The following DDX25 variants were observed in gnomAD, a reference collection of about 807,000 sequenced individuals.
DDX25 encodes DEAD-box helicase 25, also known as ATP-dependent RNA helicase DDX25.
DDX25 carries 70 observed loss-of-function variants against 64.6 expected under a neutral mutation model. The observed-to-expected ratio is 1.08, with a 90% CI of 0.89 to 1.32. The LOEUF (loss-of-function observed/expected upper bound fraction) is 1.32, where lower values mean the gene tolerates loss of function less well. DDX25 is among the 40% of genes most tolerant of loss of function. The probability of loss-of-function intolerance (pLI) is 0.00; values close to 1 mark genes in which losing one functional copy is unlikely to be tolerated. For synonymous variants in DDX25, 211 were observed against 213.3 expected (o/e 0.99, Z 0.09); for missense variants, 587 against 604.4 (o/e 0.97, Z 0.30).
At chr11:125,911,562 AT>A in intron 8 of DDX25, 74 bp downstream of exon 8, 1 of 1,416,308 alleles carries the variant, frequency 7.1e-7, no homozygotes, top group Non-Finnish European at 9.6e-7. Context: ...ACTCCTCCAC[AT>A]TATCTTTATT....
At chr11:125,922,635 C>T (rs1945129303) in intron 11 of DDX25, 185 bp from the exon 12 acceptor site, 1 of 510,752 alleles carries the variant, frequency 2.0e-6, no homozygotes, top group Non-Finnish European at 3.5e-6. Context: ...ACATACATTC[C>T]ATGGTCTGGT....
Position 125,926,459 on chromosome 11 carries a change from C to T in DDX25, c.*3578C>T, listed in dbSNP as rs1306113788. The T allele has an allele frequency of 6.6e-6, 1 of 152,092 alleles. No homozygotes were observed. Among genetic ancestry groups the T allele is most frequent in the African/African-American group, 2.4e-5 (1 of 41,400 alleles). The allele number at this position is 152,092 out of a possible 1,614,324, so 9.4% of individuals were successfully genotyped here. ...CTACAGGGAATACGAACTTTTTGCC[C>T]TAGAAAGCATCCAAGAGGCACTCAA... is the stretch of plus-strand genomic sequence containing the variant. On this transcript the variant is annotated 3_prime_UTR_variant, in exon 12 of 12. Transcript: ENST00000263576.
rs1254986750 is a variant in DDX25 at position 125,925,453 on chromosome 11, A to C, written c.*2572A>C. ...CAACAATCCAAAGGCTGTTTTTTGCAGGGTGCAGCTCCTGTCAGAGCTGTA... is the reference window on the plus strand; with the variant it reads ...CAACAATCCAAAGGCTGTTTTTTGCCGGGTGCAGCTCCTGTCAGAGCTGTA... On this transcript the variant is annotated 3_prime_UTR_variant, in exon 12 of 12. Coordinates refer to ENST00000263576, the MANE Select transcript of DDX25 (RefSeq NM_013264.5). 2.2e-6 allele frequency: 1 copy of C among 456,214 alleles called. No homozygotes were observed. The highest frequency in any genetic ancestry group is 4.4e-6 in the Non-Finnish European group (1 of 226,942). 28.3% of individuals were successfully genotyped at this position (456,214 alleles called of 1,614,324 possible). A position where few individuals can be genotyped will look rare whatever the true frequency, so the allele number is the denominator to read the frequency against.
rs1292304855 is a variant in DDX25 at position 125,922,814 on chromosome 11, T to G, written c.1391-6T>G. On this transcript the variant is annotated splice_region_variant and splice_polypyrimidine_tract_variant and intron_variant, in intron 11 of 11. Coordinates refer to ENST00000263576, the MANE Select transcript of DDX25 (RefSeq NM_013264.5). ...AGACTAGTTCTGTTCTCTTTTGTTC[T>G]TTTAGACAGCAGTATTAAGCAACTC... is the stretch of plus-strand genomic sequence containing the variant. The G allele has an allele frequency of 1.2e-6, 2 of 1,605,632 alleles. No individual in the cohort carries two copies. Among genetic ancestry groups the G allele is most frequent in the East Asian group, 4.5e-5 (2 of 44,806 alleles).
chr11:125,920,885 C>T, intron 10 of DDX25: 1 of 247,594 alleles, frequency 4.0e-6, no homozygotes, highest in South Asian at 8.6e-5. Context: ...GCTCTGTGGG[C>T]TTGGTGAGGG....
chr11:125,910,061 C>A (rs143755193), intron 6 of DDX25, among the ~76,000 whole-genome samples: 6 of 152,086 alleles, frequency 3.9e-5, no homozygotes, highest in African/African-American at 1.4e-4. Context: ...CCATTCTTCC[C>A]CCTCCTATGC....
rs908502855 is a variant in DDX25, at chr11:125,928,093, G to A, written c.*5212G>A. 1.3e-5 allele frequency: 2 copies of A among 152,192 alleles called. No individual in the cohort carries two copies. Among genetic ancestry groups the A allele is most frequent in the Non-Finnish European group, 2.9e-5 (2 of 68,046 alleles). 9.4% of individuals were successfully genotyped at this position (152,192 alleles called of 1,614,324 possible). A position where few individuals can be genotyped will look rare whatever the true frequency, so the allele number is the denominator to read the frequency against. ...TCTTCATTCAAAGCTTAGGCTGAAT[G>A]TGGATTATTTTTAATTTAATGTTCA... On this transcript the variant is annotated 3_prime_UTR_variant, in exon 12 of 12. Coordinates refer to ENST00000263576, the MANE Select transcript of DDX25 (RefSeq NM_013264.5).
chr11:125,908,596 T>C, intron 6 of DDX25, 93 bp downstream of exon 6: 1 of 1,192,018 alleles, frequency 8.4e-7, no homozygotes, highest in Non-Finnish European at 1.2e-6. Context: ...ATGGTTACTA[T>C]GGTGATGAAA....
chr11:125,905,930 T>C, intron 3 of DDX25, 144 bp from the exon 4 acceptor site: 1 of 1,049,342 alleles, frequency 9.5e-7, no homozygotes, highest in Non-Finnish European at 1.3e-6. Flanking sequence ...CTCAGTGCTA[T>C]ATCATTCTTT....
intron 4 of DDX25, among the ~76,000 whole-genome samples, chr11:125,906,950 G>A (rs2134273288): frequency 6.6e-6 from 1 of 152,138 alleles, no homozygotes; most frequent in Admixed American, 6.5e-5. Flanking sequence ...AGATAGCTAA[G>A]CTAGGCACAG....
Position 125,908,411 on chromosome 11 carries a change from C to G in DDX25, c.415C>G (p.Leu139Val), listed in dbSNP as rs746583084. 1.2e-6 allele frequency: 2 copies of G among 1,613,858 alleles called. No individual in the cohort carries two copies. Among genetic ancestry groups the G allele is most frequent in the East Asian group, 2.2e-5 (1 of 44,880 alleles). Residue 139 changes from leucine (L) to valine (V), a missense_variant, in exon 6 of 12, where the codon CTC (leucine) becomes GTC (valine). Leu to Val is a conservative substitution (Grantham distance 32). Transcript: ENST00000263576. ...TTCTCTTTTCTACAGACCCCAGAAC[C>G]TCATAGCACAGAGCCAGTCTGGAAC... ...PMMLAHPPQNLIAQSQSGTGK... is the reference protein window; with the variant it reads ...PMMLAHPPQNVIAQSQSGTGK...
chr11:125,908,257 G>A lies in DDX25; in HGVS notation c.373G>A (p.Glu125Lys). The A allele has an allele frequency of 6.2e-7, 1 of 1,613,702 alleles. No individual in the cohort carries two copies. Among genetic ancestry groups the A allele is most frequent in the Non-Finnish European group, 8.5e-7 (1 of 1,179,736 alleles). ...MGFNRPSKIQ[E>K]MALPMMLAHP... is the part of the protein sequence containing the mutation. ...ATTTAATAGGCCATCTAAAATCCAA[G>A]AGATGGCTCTCCCTATGATGCTGGC... is the stretch of plus-strand genomic sequence containing the variant. Residue 125 changes from glutamate to lysine, a missense_variant, in exon 5 of 12, where the codon GAG becomes AAG. Coordinates refer to ENST00000263576, the MANE Select transcript of DDX25 (RefSeq NM_013264.5).
In DDX25 at chr11:125,920,329, C is replaced by G. The variant is rs11220274; in HGVS notation, c.1202-862C>G. On this transcript the variant is annotated intron_variant, in intron 10 of 11. Transcript: ENST00000263576. ...ATGGGCACCTGTAATCCCAGCTACT[C>G]GGGAGGCTGAGACAGGAGAATCGCT... is the stretch of plus-strand genomic sequence containing the variant. 9.2e-4 allele frequency among the ~76,000 whole-genome samples: 139 copies of G among 151,868 alleles called. 1 individual carries two copies. The East Asian group carries it at 0.025, about 27-fold the overall frequency.
chr11:125,906,190 A>G lies in DDX25; in HGVS notation c.292A>G (p.Thr98Ala), dbSNP rs1327024243. Reference protein sequence around the residue: ...DPSSPLYSVKTFEELRLKEEL... With the variant: ...DPSSPLYSVKAFEELRLKEEL... Reference sequence around the variant, plus strand: ...CAGCTCTCCACTTTACTCAGTAAAGACATTTGAAGAGCTGCGGCTGTGAGT... The same window carrying G: ...CAGCTCTCCACTTTACTCAGTAAAGGCATTTGAAGAGCTGCGGCTGTGAGT... Residue 98 changes from threonine (T) to alanine (A), a missense_variant, in exon 4 of 12, where the codon ACA becomes GCA. Thr to Ala is a moderately conservative substitution (Grantham distance 58). Transcript: ENST00000263576. 5 of 1,541,878 alleles carry G rather than the reference A, an allele frequency of 3.2e-6. No homozygotes were observed. The African/African-American group carries it at 6.9e-5, about 21-fold the overall frequency.
rs534195822 is a variant in DDX25 at position 125,907,091 on chromosome 11, A to G, written c.311+882A>G. ...GTTTCAAATGATATTAAACTGAATA[A>G]CTTTCCCAAATGGGTTTGCATTCCC... is the stretch of plus-strand genomic sequence containing the variant. On this transcript the variant is annotated intron_variant, in intron 4 of 11. Coordinates refer to ENST00000263576, the MANE Select transcript of DDX25 (RefSeq NM_013264.5). Among the ~76,000 whole-genome samples the G allele has an allele frequency of 2.0e-5, 3 of 152,300 alleles. No homozygotes were observed. The South Asian group carries it at 6.2e-4, about 32-fold the overall frequency.
At chr11:125,912,609 C>G (rs558701934) in intron 8 of DDX25, among the ~76,000 whole-genome samples, 27 of 152,244 alleles carry the variant, frequency 1.8e-4, no homozygotes, top group African/African-American at 6.3e-4. Context: ...GGTACAAGCA[C>G]AATTTTTTCC....
At chr11:125,904,805 C>G (rs752484909) in intron 1 of DDX25, 1 of 592,650 alleles carries the variant, frequency 1.7e-6, no homozygotes, top group South Asian at 2.1e-5. Flanking sequence ...AATGACGACC[C>G]CTGGAAATCC....
upstream of DDX25, chr11:125,904,343 G>A: frequency 2.1e-6 from 1 of 466,812 alleles, no homozygotes; most frequent in Non-Finnish European, 3.5e-6. Flanking sequence ...TCTGCCCTCC[G>A]CCCCTTCCGC....
At position 125,905,988 on chromosome 11, in the gene DDX25, G is replaced by C. The variant is rs1056471327; in HGVS notation, c.176-86G>C. 33 of 1,459,030 alleles carry C rather than the reference G, an allele frequency of 2.3e-5. 1 individual carries two copies. In the South Asian group the frequency reaches 3.8e-4, roughly 17 times the overall value. The allele number at this position is 1,459,030 out of a possible 1,614,324, so 90.4% of individuals were successfully genotyped here. On this transcript the variant is annotated intron_variant, in intron 3 of 11. Transcript: ENST00000263576. ...AAATGAGCGTAGGTGCAATTGCTTG[G>C]TATACAACCACTGAAAGAGAAAGAG...
Sources: gnomAD v4.1 joint callset for allele counts (sites outside exome capture counted in the v4.1 genomes callset) on GRCh38, gnomAD v4.1.1 for gene constraint, MANE v1.5 for transcripts, NCBI Gene and HGNC (gene_info 2026-07-23, HGNC 2026-07-21) for gene names.